Variants in COG5 observed in about 807,000 individuals in gnomAD.
COG5 encodes the protein conserved oligomeric Golgi complex subunit 5.
COG5 carries 86 observed loss-of-function variants against 110.4 expected under a neutral mutation model. The ratio of observed to expected loss-of-function variants is 0.78; its 90% CI spans 0.65 to 0.93. COG5 has a LOEUF of 0.93. Ranked by LOEUF, COG5 falls within the 40% of genes least tolerant of loss-of-function variation. The pLI is 0.00. For missense variants in COG5, 1,077 were observed against 987.0 expected (o/e 1.09, Z -1.22); for synonymous variants, 360 against 334.6 (o/e 1.08, Z -0.83).
intron 10 of COG5, among the ~76,000 whole-genome samples, chr7:107,360,539 C>T (rs1254165428): frequency 1.3e-5 from 2 of 152,196 alleles, no homozygotes; most frequent in East Asian, 3.8e-4. Context: ...GTTGTGACAC[C>T]TTCTTTGGGA....
At chr7:107,233,283 C>T (rs926768955) in intron 18 of COG5, among the ~76,000 whole-genome samples, 4 of 152,138 alleles carry the variant, frequency 2.6e-5, no homozygotes, top group South Asian at 4.1e-4. Context: ...ACCCCAGTGT[C>T]GTGGACAGGC....
intron 10 of COG5, among the ~76,000 whole-genome samples, chr7:107,361,695 G>A (rs1043677215): frequency 1.8e-4 from 27 of 152,144 alleles, no homozygotes; most frequent in Non-Finnish European, 3.1e-4. Flanking sequence ...CCGAGTAGCT[G>A]GGACTACAGG....
chr7:107,229,956 T>C (rs934640151), intron 19 of COG5, among the ~76,000 whole-genome samples: 1 of 151,398 alleles, frequency 6.6e-6, no homozygotes, highest in East Asian at 2.0e-4. Flanking sequence ...GTTCAAGCGA[T>C]TCTCCTGCCT....
At chr7:107,406,012 C>T (rs781449713) in intron 7 of COG5, among the ~76,000 whole-genome samples, 2 of 152,152 alleles carry the variant, frequency 1.3e-5, no homozygotes, top group Non-Finnish European at 2.9e-5. Flanking sequence ...TTATAAGCCA[C>T]CCAGTTTATG....
intron 7 of COG5, among the ~76,000 whole-genome samples, chr7:107,380,886 T>C (rs1815062642): frequency 6.6e-6 from 1 of 152,124 alleles, no homozygotes; most frequent in East Asian, 1.9e-4. Context: ...ATATCCCTGA[T>C]GAACATCGAT....
chr7:107,481,188 G>C (rs1376430623), intron 6 of COG5, among the ~76,000 whole-genome samples: 1 of 152,082 alleles, frequency 6.6e-6, no homozygotes, highest in Non-Finnish European at 1.5e-5. Context: ...GCTTCCATGA[G>C]AGCAATATGT....
intron 7 of COG5, among the ~76,000 whole-genome samples, chr7:107,407,479 T>C (rs958849960): frequency 3.9e-5 from 6 of 152,106 alleles, no homozygotes; most frequent in African/African-American, 4.8e-5. Flanking sequence ...ATTCAAAGAA[T>C]GGGAAAACAG....
At chr7:107,272,298 G>A (rs185573125) in intron 14 of COG5, among the ~76,000 whole-genome samples, 9 of 152,130 alleles carry the variant, frequency 5.9e-5, no homozygotes, top group Admixed American at 2.6e-4. Context: ...AGAATGCAAC[G>A]ATTTATTTCT....
At chr7:107,337,369 G>A (rs949139883) in intron 10 of COG5, among the ~76,000 whole-genome samples, 3 of 152,122 alleles carry the variant, frequency 2.0e-5, no homozygotes, top group African/African-American at 4.8e-5. Context: ...TTGCAAAAGC[G>A]AAGATATGAA....
chr7:107,559,104 T>G (rs978974001), intron 1 of COG5, among the ~76,000 whole-genome samples: 2 of 151,986 alleles, frequency 1.3e-5, no homozygotes, highest in African/African-American at 4.8e-5. Flanking sequence ...AATCTGGAAT[T>G]TTAGTAACAA....
chr7:107,546,086 A>T (rs1802421551), intron 5 of COG5, among the ~76,000 whole-genome samples: 1 of 152,166 alleles, frequency 6.6e-6, no homozygotes, highest in Non-Finnish European at 1.5e-5. Flanking sequence ...AAATTCACCA[A>T]AAATTTCTCA....
chr7:107,554,399 C>T lies in COG5; in HGVS notation c.235-57G>A. ...CTCTGTTAGGTATTCTTCCTTGTAA[C>T]CACAATGTAGAATGGACAGTCTCTC... On this transcript the variant is annotated intron_variant, in intron 2 of 21. Coordinates refer to ENST00000297135, the MANE Select transcript of COG5 (RefSeq NM_006348.5). 3 of 1,435,004 alleles carry T rather than the reference C, an allele frequency of 2.1e-6. No individual in the cohort carries two copies. In the Admixed American group the frequency reaches 5.1e-5, roughly 24 times the overall value. 88.9% of individuals were successfully genotyped at this position (1,435,004 alleles called of 1,614,324 possible).
At chr7:107,499,277 G>C (rs1291571975) in intron 6 of COG5, among the ~76,000 whole-genome samples, 1 of 152,068 alleles carries the variant, frequency 6.6e-6, no homozygotes, top group Non-Finnish European at 1.5e-5. Flanking sequence ...TTAAAAATCT[G>C]TTAAGAGGGT....
chr7:107,299,188 C>T (rs1335297021), intron 11 of COG5, among the ~76,000 whole-genome samples: 1 of 151,926 alleles, frequency 6.6e-6, no homozygotes, highest in Non-Finnish European at 1.5e-5. Flanking sequence ...GCTCTGAGAA[C>T]AGATATCAAT....
At chr7:107,263,002 T>G (rs1803491255) in intron 14 of COG5, among the ~76,000 whole-genome samples, 1 of 152,248 alleles carries the variant, frequency 6.6e-6, no homozygotes, top group Non-Finnish European at 1.5e-5. Flanking sequence ...TTCCTTTGCT[T>G]GGTTCCTTCC....
intron 6 of COG5, among the ~76,000 whole-genome samples, chr7:107,440,797 T>C (rs573725111): frequency 4.6e-5 from 7 of 152,174 alleles, no homozygotes; most frequent in Non-Finnish European, 8.8e-5. Context: ...GGTCAACCCA[T>C]GGGAGAGGGA....
rs534896815 is a variant in COG5 at position 107,526,540 on chromosome 7, A to C, written c.538+697T>G. 2.0e-5 allele frequency among the ~76,000 whole-genome samples: 3 copies of C among 152,324 alleles called. No individual in the cohort carries two copies. The East Asian group carries it at 5.8e-4, about 29-fold the overall frequency. The stretch of plus-strand genomic sequence containing the variant: ...GTATCAGCATGGGATTTGTCATGTT[A>C]AAAACAGCATTTCTCTAGAATATTT... On this transcript the variant is annotated intron_variant, in intron 6 of 21. Transcript: ENST00000297135.
chr7:107,455,241 G>A (rs77314160), intron 6 of COG5, among the ~76,000 whole-genome samples: 134 of 152,266 alleles, frequency 8.8e-4, no homozygotes, highest in African/African-American at 2.9e-3. Context: ...CTAGAACAAC[G>A]TGTGAATGAA....
At chr7:107,234,840 C>A (rs1466051585) in intron 18 of COG5, among the ~76,000 whole-genome samples, 1 of 151,820 alleles carries the variant, frequency 6.6e-6, no homozygotes, top group African/African-American at 2.4e-5. Flanking sequence ...AATAAGCAAT[C>A]TGGAACCCCA....
Sources: allele counts gnomAD v4.1 joint callset (sites outside exome capture counted in the v4.1 genomes callset), GRCh38; gene constraint gnomAD v4.1.1; transcripts MANE v1.5; gene names NCBI Gene and HGNC (gene_info 2026-07-23, HGNC 2026-07-21).